EPB41L4B: variants seen among roughly 807,000 people sequenced by gnomAD.
EPB41L4B encodes band 4.1-like protein 4B.
In EPB41L4B, 30 loss-of-function variants were observed where a neutral mutation model predicts 112.5. The observed-to-expected ratio is 0.27, with a 90% CI of 0.20 to 0.36. The LOEUF is 0.36. EPB41L4B is among the 10% of genes least tolerant of loss of function. The probability of loss-of-function intolerance (pLI) is 1.00; values close to 1 mark genes in which losing one functional copy is unlikely to be tolerated. For missense variants in EPB41L4B, 1,024 were observed against 1,133.3 expected, an observed-to-expected ratio of 0.90 and a Z score of 1.38; for synonymous variants, 408 against 439.7, an observed-to-expected ratio of 0.93 and a Z score of 0.90.
At position 109,320,239 on chromosome 9, in the gene EPB41L4B, C is replaced by A. The variant is rs750446607; in HGVS notation, c.208G>T (p.Gly70Cys). 3.9e-6 allele frequency: 5 copies of A among 1,276,444 alleles called. No individual in the cohort carries two copies. The South Asian group carries it at 8.7e-5, about 22-fold the overall frequency. The allele number at this position is 1,276,444 out of a possible 1,614,324, so 79.1% of individuals were successfully genotyped here. ...PAGGGPLLTGGAAVHISAAGA... is the reference protein window; with the variant it reads ...PAGGGPLLTGCAAVHISAAGA... ...GCGGCGGAGATGTGCACGGCCGCGC[C>A]GCCGGTGAGCAGGGGCCCGCCGCCC... is the stretch of plus-strand genomic sequence containing the variant. The change falls in exon 1 of 26, where the codon GGC (glycine) becomes TGC (cysteine). Residue 70 changes from glycine (G) to cysteine (C), a missense_variant. Physicochemically the swap from Gly to Cys is radical, Grantham distance 159. Transcript: ENST00000374566.
chr9:109,253,374 G>T, intron 12 of EPB41L4B, 67 bp downstream of exon 12: 1 of 1,111,104 alleles, frequency 9.0e-7, no homozygotes, highest in Non-Finnish European at 1.4e-6. Context: ...GCTTGACCAA[G>T]CTCCTCGAGG....
intron 25 of EPB41L4B, among the ~76,000 whole-genome samples, chr9:109,174,854 T>A (rs1364633289): frequency 6.6e-6 from 1 of 151,410 alleles, no homozygotes; most frequent in Non-Finnish European, 1.5e-5. Context: ...ATGTCATTCA[T>A]CTCTAAACCT....
intron 13 of EPB41L4B, among the ~76,000 whole-genome samples, chr9:109,248,438 T>C (rs1400081325): frequency 1.3e-5 from 2 of 152,190 alleles, no homozygotes; most frequent in Non-Finnish European, 2.9e-5. Flanking sequence ...AACAGTTGCC[T>C]AACAGAGAGT....
chr9:109,313,803 T>A (rs1181005032), intron 1 of EPB41L4B, among the ~76,000 whole-genome samples: 1 of 152,174 alleles, frequency 6.6e-6, no homozygotes, highest in African/African-American at 2.4e-5. Flanking sequence ...AAGTCGACCA[T>A]CCTTATTCAA....
At chr9:109,238,271 T>A (rs926426982) in intron 15 of EPB41L4B, among the ~76,000 whole-genome samples, 1 of 152,172 alleles carries the variant, frequency 6.6e-6, no homozygotes, top group Non-Finnish European at 1.5e-5. Flanking sequence ...TTCTGCCCTG[T>A]ACAGCATGAT....
chr9:109,176,787 C>A, intron 24 of EPB41L4B, 91 bp from the exon 25 acceptor site: 1 of 1,434,674 alleles, frequency 7.0e-7, no homozygotes, highest in East Asian at 2.3e-5. Context: ...TCTACAGTTC[C>A]TGTTCCTTTT....
intron 1 of EPB41L4B, among the ~76,000 whole-genome samples, chr9:109,303,842 C>T (rs934716306): frequency 2.0e-5 from 3 of 151,868 alleles, no homozygotes; most frequent in Non-Finnish European, 4.4e-5. Context: ...CTGATATGAC[C>T]GGATAAGTTT....
At position 109,267,345 on chromosome 9, in the gene EPB41L4B, T is replaced by G. The variant is rs575304266; in HGVS notation, c.533+128A>C. ...ACGGAACACGGAAGCACCGGAAAAG[T>G]ACTAATAACTCTTGCTGAGAAATAG... On this transcript the variant is annotated intron_variant, in intron 4 of 25. Coordinates refer to ENST00000374566, the MANE Select transcript of EPB41L4B (RefSeq NM_019114.5). 3 of 594,998 alleles carry G rather than the reference T, an allele frequency of 5.0e-6. No individual in the cohort carries two copies. The African/African-American group carries it at 5.6e-5, about 11-fold the overall frequency. 36.9% of individuals were successfully genotyped at this position (594,998 alleles called of 1,614,324 possible). A position where few individuals can be genotyped will look rare whatever the true frequency, so the allele number is the denominator to read the frequency against.
intron 20 of EPB41L4B, among the ~76,000 whole-genome samples, chr9:109,199,828 G>A (rs541675971): frequency 1.3e-5 from 2 of 152,218 alleles, no homozygotes; most frequent in African/African-American, 2.4e-5. Flanking sequence ...CTCTGTCCAA[G>A]AGTCCTTGAG....
intron 15 of EPB41L4B, among the ~76,000 whole-genome samples, chr9:109,233,060 G>A (rs1025031422): frequency 6.6e-6 from 1 of 152,196 alleles, no homozygotes; most frequent in African/African-American, 2.4e-5. Flanking sequence ...GCAGAATGTG[G>A]ATGTTTAAAC....
chr9:109,257,603 A>T (rs1835030173), intron 7 of EPB41L4B, among the ~76,000 whole-genome samples: 1 of 152,166 alleles, frequency 6.6e-6, no homozygotes, highest in Non-Finnish European at 1.5e-5. Flanking sequence ...TGTCACTAAG[A>T]CAGTGGTGGC....
chr9:109,303,845 A>T (rs1456377482), intron 1 of EPB41L4B, among the ~76,000 whole-genome samples: 1 of 152,054 alleles, frequency 6.6e-6, no homozygotes, highest in African/African-American at 2.4e-5. Context: ...ATATGACCGG[A>T]TAAGTTTTAT....
intron 24 of EPB41L4B, among the ~76,000 whole-genome samples, chr9:109,181,629 G>A (rs990562946): frequency 6.6e-6 from 1 of 152,004 alleles, no homozygotes; most frequent in Non-Finnish European, 1.5e-5. Context: ...TTGAGCCCAG[G>A]AGTTCGAGAC....
In EPB41L4B at chr9:109,257,491, A is replaced by G. The variant is rs370239880; in HGVS notation, c.752+686T>C. Among the ~76,000 whole-genome samples, 5 of 152,272 alleles carry G rather than the reference A, an allele frequency of 3.3e-5. No homozygotes were observed. The East Asian group carries it at 5.8e-4, about 18-fold the overall frequency. ...CACGGTCTCAAATATGTATGTTCCT[A>G]TACAACAGGGTATATTTCTAAATTT... On this transcript the variant is annotated intron_variant, in intron 7 of 25. Transcript: ENST00000374566.
intron 1 of EPB41L4B, among the ~76,000 whole-genome samples, chr9:109,294,672 C>CTGTGTGTGTGTG (rs56261244): frequency 1.6e-4 from 24 of 147,952 alleles, no homozygotes; most frequent in African/African-American, 5.7e-4. Context: ...GATATTGTGG[C>CTGTGTGTGTGTG]TGTGTGTGTG....
chr9:109,221,885 T>C (rs964555838), intron 15 of EPB41L4B, among the ~76,000 whole-genome samples: 1 of 152,200 alleles, frequency 6.6e-6, no homozygotes, highest in Non-Finnish European at 1.5e-5. Flanking sequence ...TCATCTGTCA[T>C]GCCAACTCCA....
At chr9:109,307,015 G>GTTTTTTTTTT (rs534923556) in intron 1 of EPB41L4B, among the ~76,000 whole-genome samples, 3 of 124,516 alleles carry the variant, frequency 2.4e-5, no homozygotes, top group Non-Finnish European at 1.7e-5. Flanking sequence ...TGCTGCAGTT[G>GTTTTTTTTTT]TTTTTTTTTT....
intron 21 of EPB41L4B, among the ~76,000 whole-genome samples, chr9:109,193,353 C>CTCAGGCATCCAGTTTGCA (rs1305978650): frequency 1.3e-5 from 2 of 152,228 alleles, no homozygotes; most frequent in African/African-American, 4.8e-5. Context: ...CTGCAAAAGC[C>CTCAGGCATCCAGTTTGCA]TCAGGCATCC....
intron 16 of EPB41L4B, 42 bp from the exon 17 acceptor site, chr9:109,213,860 G>A: frequency 1.3e-6 from 2 of 1,571,292 alleles, no homozygotes; most frequent in Non-Finnish European, 1.8e-6. Context: ...AAGGTTGAAA[G>A]GACAGATAGA....
Sources: gnomAD v4.1 joint callset for allele counts (sites outside exome capture counted in the v4.1 genomes callset) on GRCh38, gnomAD v4.1.1 for gene constraint, MANE v1.5 for transcripts, NCBI Gene and HGNC (gene_info 2026-07-23, HGNC 2026-07-21) for gene names.